NR3C2: variants seen among roughly 807,000 people sequenced by gnomAD.
NR3C2 encodes mineralocorticoid receptor.
Under a neutral mutation model 86.4 loss-of-function variants are expected in NR3C2, and 15 were observed. The observed-to-expected ratio is 0.17, with a 90% confidence interval of 0.12 to 0.27. The LOEUF is 0.27. NR3C2 is among the 10% of genes least tolerant of loss of function. NR3C2 has a pLI of 1.00. For synonymous variants in NR3C2, 458 were observed against 450.5 expected, an observed-to-expected ratio of 1.02 and a Z score of -0.21; for missense variants, 960 against 1,195.6, an observed-to-expected ratio of 0.80 and a Z score of 2.91.
intron 1 of NR3C2, among the ~76,000 whole-genome samples, chr4:148,437,946 T>C (rs1181814925): frequency 6.6e-6 from 1 of 152,244 alleles, no homozygotes; most frequent in Non-Finnish European, 1.5e-5. Flanking sequence ...GCTATATTGA[T>C]ATAATTCTTA....
In NR3C2 at chr4:148,301,318, C is replaced by T. The variant is rs1742326741; in HGVS notation, c.1758-41201G>A. Among the ~76,000 whole-genome samples the T allele has an allele frequency of 1.3e-5, 2 of 152,062 alleles. 1 individual carries two copies. Among genetic ancestry groups the T allele is most frequent in the South Asian group, 4.2e-4 (2 of 4,818 alleles). ...GATAAAAGCTGTGGTACCTTCTGGC[C>T]CATGGGTCTTTAATCTTTGAGAAGT... On this transcript the variant is annotated intron_variant, in intron 2 of 8. Transcript: ENST00000358102.
At chr4:148,277,918 C>A (rs911628846) in intron 2 of NR3C2, among the ~76,000 whole-genome samples, 1 of 152,032 alleles carries the variant, frequency 6.6e-6, no homozygotes, top group Non-Finnish European at 1.5e-5. Context: ...GAAAAGAAGG[C>A]CCAAAATGTG....
chr4:148,133,291 T>C (rs1451765391), intron 6 of NR3C2, among the ~76,000 whole-genome samples: 1 of 152,134 alleles, frequency 6.6e-6, no homozygotes, highest in Non-Finnish European at 1.5e-5. Flanking sequence ...ATACTAAATT[T>C]CTGAAAATTT....
At chr4:148,266,404 A>G (rs1456134939) in intron 2 of NR3C2, among the ~76,000 whole-genome samples, 1 of 152,198 alleles carries the variant, frequency 6.6e-6, no homozygotes, top group African/African-American at 2.4e-5. Flanking sequence ...TACTGAAATG[A>G]CAGAGTAGCC....
intron 2 of NR3C2, among the ~76,000 whole-genome samples, chr4:148,384,313 T>TA (rs1477586022): frequency 6.6e-6 from 1 of 152,164 alleles, no homozygotes; most frequent in Non-Finnish European, 1.5e-5. Flanking sequence ...TTCTTATTCT[T>TA]ATATATGTCT....
rs1738636772 is a variant in NR3C2, at chr4:148,234,466, TTG to T, written c.1897+25510_1897+25511del. 3.3e-5 allele frequency among the ~76,000 whole-genome samples: 5 copies of T among 152,032 alleles called. No homozygotes were observed. In the East Asian group the frequency reaches 9.7e-4, roughly 29 times the overall value. ...GTGGGCAGATCACGAGGTCAGGAGA[TTG>T]AGACCATCCTGGCTAACACGGTGAA... On this transcript the variant is annotated intron_variant, in intron 3 of 8. Coordinates refer to ENST00000358102, the MANE Select transcript of NR3C2 (RefSeq NM_000901.5).
At chr4:148,342,610 G>A (rs953177053) in intron 2 of NR3C2, among the ~76,000 whole-genome samples, 12 of 152,188 alleles carry the variant, frequency 7.9e-5, no homozygotes, top group South Asian at 4.2e-4. Flanking sequence ...ACTATAATCC[G>A]TTCCCACATA....
chr4:148,231,807 T>C (rs564794333), intron 3 of NR3C2, among the ~76,000 whole-genome samples: 201 of 152,338 alleles, frequency 1.3e-3, no homozygotes, highest in Non-Finnish European at 2.5e-3. Flanking sequence ...GTCAACTAAG[T>C]TTACGTAATA....
chr4:148,161,683 A>G (rs1734669049), intron 4 of NR3C2, among the ~76,000 whole-genome samples: 1 of 152,176 alleles, frequency 6.6e-6, no homozygotes, highest in Admixed American at 6.5e-5. Flanking sequence ...AATAAATATA[A>G]ATTTGTTGCA....
intron 2 of NR3C2, among the ~76,000 whole-genome samples, chr4:148,327,684 G>A (rs576751847): frequency 7.7e-4 from 117 of 152,334 alleles, no homozygotes; most frequent in Non-Finnish European, 1.4e-3. Context: ...GTGGGTGCAT[G>A]CTGTCACAGC....
chr4:148,352,030 A>G (rs1298965111), intron 2 of NR3C2, among the ~76,000 whole-genome samples: 1 of 152,222 alleles, frequency 6.6e-6, no homozygotes, highest in Non-Finnish European at 1.5e-5. Flanking sequence ...TTAAATAACC[A>G]ATGGAAATAT....
At chr4:148,375,448 T>C (rs1579222849) in intron 2 of NR3C2, among the ~76,000 whole-genome samples, 1 of 150,106 alleles carries the variant, frequency 6.7e-6, no homozygotes, top group African/African-American at 2.5e-5. Flanking sequence ...AGAGCAAGAC[T>C]CTATCTCAAA....
chr4:148,308,366 C>A (rs1472201609), intron 2 of NR3C2, among the ~76,000 whole-genome samples: 1 of 152,086 alleles, frequency 6.6e-6, no homozygotes, highest in Admixed American at 6.6e-5. Context: ...AAATTTGTTG[C>A]ATATATGAAT....
chr4:148,260,184 A>G, intron 2 of NR3C2, 67 bp from the exon 3 acceptor site: 2 of 1,598,126 alleles, frequency 1.3e-6, no homozygotes, highest in Non-Finnish European at 1.7e-6. Context: ...TGCACAGCTT[A>G]GCTCAAAATT....
At chr4:148,418,902 C>A (rs1473412172) in intron 2 of NR3C2, among the ~76,000 whole-genome samples, 3 of 152,280 alleles carry the variant, frequency 2.0e-5, no homozygotes, top group South Asian at 2.1e-4. Context: ...GCTTTCCACT[C>A]TTCTACATGT....
chr4:148,444,995 C>A (rs536450808), upstream of NR3C2: 27 of 983,098 alleles, frequency 2.7e-5, no homozygotes, highest in East Asian at 3.0e-3. Flanking sequence ...CAGGGGGAGC[C>A]TGCGCCCCCC....
chr4:148,326,166 G>A (rs1409086105), intron 2 of NR3C2, among the ~76,000 whole-genome samples: 2 of 151,450 alleles, frequency 1.3e-5, no homozygotes, highest in Non-Finnish European at 2.9e-5. Flanking sequence ...TGAGGCGGGA[G>A]GATCACAAGG....
chr4:148,210,252 G>T (rs925674029), intron 3 of NR3C2, among the ~76,000 whole-genome samples: 1 of 152,044 alleles, frequency 6.6e-6, no homozygotes, highest in Non-Finnish European at 1.5e-5. Flanking sequence ...GTGCAGTGGC[G>T]CAGTCTTGGT....
At chr4:148,418,827 T>C (rs1749132466) in intron 2 of NR3C2, among the ~76,000 whole-genome samples, 1 of 152,214 alleles carries the variant, frequency 6.6e-6, no homozygotes, top group Admixed American at 6.5e-5. Context: ...AACTCATTCT[T>C]AGAGAGGATA....
Sources: gnomAD v4.1 joint callset for allele counts (sites outside exome capture counted in the v4.1 genomes callset) on GRCh38, gnomAD v4.1.1 for gene constraint, MANE v1.5 for transcripts, NCBI Gene and HGNC (gene_info 2026-07-23, HGNC 2026-07-21) for gene names.